The following VPS4B variants were observed in gnomAD, a reference collection of about 807,000 sequenced individuals.
VPS4B encodes the protein vacuolar protein sorting 4 homolog B.
In VPS4B, 23 loss-of-function variants were observed where a neutral mutation model predicts 56.1. That is an observed-to-expected ratio of 0.41 (90% confidence interval 0.30 to 0.58). The LOEUF (loss-of-function observed/expected upper bound fraction) is 0.58. Ranked by LOEUF, VPS4B falls within the 20% of genes least tolerant of loss-of-function variation. VPS4B has a pLI of 0.29. For missense variants in VPS4B, 372 were observed against 531.9 expected, an observed-to-expected ratio of 0.70 and a Z score of 2.96; for synonymous variants, 177 against 186.0, an observed-to-expected ratio of 0.95 and a Z score of 0.39.
chr18:63,415,495 AT>A, intron 1 of VPS4B: 3 of 303,424 alleles, frequency 9.9e-6, no homozygotes, highest in Admixed American at 3.6e-5. Context: ...AAGCTTGGCA[AT>A]TTTTCTCTGG....
At position 63,397,199 on chromosome 18, in the gene VPS4B, C is replaced by G. The variant is rs1275420534; in HGVS notation, c.927G>C (p.Met309Ile). 2.5e-6 allele frequency: 4 copies of G among 1,613,980 alleles called. No homozygotes were observed. Among genetic ancestry groups the G allele is most frequent in the East Asian group, 4.5e-5 (2 of 44,894 alleles). ...PLPEPHARAA[M>I]FKLHLGTTQN... Reference sequence around the variant, plus strand: ...GAGTGGTCCCTAGGTGCAGTTTAAACATTGCTGCTCGGGCATGGGGTTCCG... The same window carrying G: ...GAGTGGTCCCTAGGTGCAGTTTAAAGATTGCTGCTCGGGCATGGGGTTCCG... The change falls in exon 9 of 11, where the codon ATG (methionine) becomes ATC (isoleucine). Residue 309 changes from methionine to isoleucine, a missense_variant. Around this residue, in one of 3 missense-constraint regions of VPS4B, gnomAD observed 153 missense variants for 190.9 expected, o/e 0.80. Transcript: ENST00000238497.
chr18:63,410,257 C>T (rs750241880), intron 3 of VPS4B, 33 bp downstream of exon 3: 16 of 1,602,192 alleles, frequency 1.0e-5, no homozygotes, highest in Non-Finnish European at 1.4e-5. Context: ...AAGCAAAAAG[C>T]CACAATAAAA....
At chr18:63,393,058 A>C (rs1364902463) in intron 10 of VPS4B, among the ~76,000 whole-genome samples, 1 of 152,134 alleles carries the variant, frequency 6.6e-6, no homozygotes, top group Admixed American at 6.6e-5. Flanking sequence ...TCTGAGATGC[A>C]GGGGAAAAAA....
At chr18:63,398,206 T>A (rs201671192) in intron 8 of VPS4B, among the ~76,000 whole-genome samples, 2 of 84,742 alleles carry the variant, frequency 2.4e-5, no homozygotes, top group Non-Finnish European at 2.2e-5. Context: ...CACACACACA[T>A]ATATATATAT....
intron 10 of VPS4B, among the ~76,000 whole-genome samples, chr18:63,392,853 T>C (rs900719455): frequency 3.9e-5 from 6 of 152,070 alleles, no homozygotes; most frequent in African/African-American, 1.2e-4. Context: ...CTGGTTCACG[T>C]GATTCTCCTG....
intron 1 of VPS4B, among the ~76,000 whole-genome samples, chr18:63,417,334 G>A (rs939829758): frequency 3.3e-5 from 5 of 151,728 alleles, no homozygotes; most frequent in African/African-American, 4.8e-5. Context: ...ATAATAAAAC[G>A]GCTCATATCA....
chr18:63,413,503 C>T (rs918960719), intron 1 of VPS4B, among the ~76,000 whole-genome samples: 1 of 147,554 alleles, frequency 6.8e-6, no homozygotes, highest in African/African-American at 2.5e-5. Context: ...CATGCCACTG[C>T]ACTCCAGCCT....
At chr18:63,394,875 C>T (rs1348061218) in intron 9 of VPS4B, among the ~76,000 whole-genome samples, 2 of 152,188 alleles carry the variant, frequency 1.3e-5, no homozygotes, top group African/African-American at 4.8e-5. Flanking sequence ...GTGTATTTTA[C>T]TGTCTTTACT....
At chr18:63,407,911 A>G (rs1236198450) in intron 3 of VPS4B, among the ~76,000 whole-genome samples, 2 of 152,250 alleles carry the variant, frequency 1.3e-5, no homozygotes, top group African/African-American at 4.8e-5. Flanking sequence ...GAGGAAAAAA[A>G]TCTGGAACAC....
intron 5 of VPS4B, among the ~76,000 whole-genome samples, chr18:63,403,138 T>A (rs1215060291): frequency 6.6e-6 from 1 of 152,264 alleles, no homozygotes; most frequent in Non-Finnish European, 1.5e-5. Context: ...CTAGAGGTTA[T>A]GCACTTCCTC....
Position 63,391,051 on chromosome 18 carries a change from TTAGA to T in VPS4B, c.1255_1258del (p.Ser419ThrfsTer12). On this transcript the variant is annotated frameshift_variant, in exon 11 of 11. Coordinates refer to ENST00000238497, the MANE Select transcript of VPS4B (RefSeq NM_004869.4). LOFTEE classifies it high-confidence loss of function. ...ATGTTCATTGACTGTAGGTTTTGTGTTAGATAGTGACCGCAACATATCCGACTGT... is the reference window on the plus strand; with the variant it reads ...ATGTTCATTGACTGTAGGTTTTGTGTTAGTGACCGCAACATATCCGACTGT... The T allele has an allele frequency of 6.2e-7, 1 of 1,613,504 alleles. No individual in the cohort carries two copies. The highest frequency in any genetic ancestry group is 8.5e-7 in the Non-Finnish European group (1 of 1,179,580).
At chr18:63,405,820 CAAACAAAA>C (rs1243692607) in intron 4 of VPS4B, among the ~76,000 whole-genome samples, 13 of 149,370 alleles carry the variant, frequency 8.7e-5, no homozygotes, top group African/African-American at 3.0e-4. Flanking sequence ...AACAAACAAA[CAAACAAAA>C]AAAAAAACTT....
intron 10 of VPS4B, among the ~76,000 whole-genome samples, chr18:63,392,525 T>A (rs772869671): frequency 6.6e-6 from 1 of 151,700 alleles, no homozygotes; most frequent in Non-Finnish European, 1.5e-5. Context: ...CTCGGCTCAC[T>A]GCAACCTCCG....
intron 1 of VPS4B, among the ~76,000 whole-genome samples, chr18:63,421,972 G>A (rs1330818922): frequency 6.6e-6 from 1 of 152,168 alleles, no homozygotes; most frequent in Non-Finnish European, 1.5e-5. Context: ...CCAGATCTTG[G>A]CTGGTTTGGA....
Position 63,414,600 on chromosome 18 carries a change from A to C in VPS4B, c.28-3022T>G, listed in dbSNP as rs192037472. Among the ~76,000 whole-genome samples the C allele has an allele frequency of 4.0e-5, 6 of 151,272 alleles. No individual in the cohort carries two copies. The East Asian group carries it at 1.2e-3, about 30-fold the overall frequency. The stretch of plus-strand genomic sequence containing the variant: ...CAGGCACCCACCACCATGCCTGGCT[A>C]ATTTTTGTATTTTTAGTAGAGATGG... On this transcript the variant is annotated intron_variant, in intron 1 of 10. Transcript: ENST00000238497.
At chr18:63,394,442 A>G (rs1339149728) in intron 9 of VPS4B, among the ~76,000 whole-genome samples, 1 of 151,938 alleles carries the variant, frequency 6.6e-6, no homozygotes, top group African/African-American at 2.4e-5. Flanking sequence ...TTAGATGGCA[A>G]TAGTCTGCAT....
intron 1 of VPS4B, among the ~76,000 whole-genome samples, chr18:63,413,175 T>C (rs930824743): frequency 3.6e-4 from 55 of 152,318 alleles, no homozygotes; most frequent in African/African-American, 1.3e-3. Context: ...AGTGGTGGAA[T>C]GTATCAATAT....
At chr18:63,415,029 A>C (rs1916131831) in intron 1 of VPS4B, among the ~76,000 whole-genome samples, 1 of 152,222 alleles carries the variant, frequency 6.6e-6, no homozygotes, top group Non-Finnish European at 1.5e-5. Context: ...TTATGTAATT[A>C]AAATAGCCAC....
chr18:63,408,597 T>G (rs1203145632), intron 3 of VPS4B, among the ~76,000 whole-genome samples: 1 of 152,220 alleles, frequency 6.6e-6, no homozygotes, highest in Non-Finnish European at 1.5e-5. Flanking sequence ...CTGGTTTTGC[T>G]GAGGGAGCTG....
Sources: gnomAD v4.1 joint callset for allele counts (sites outside exome capture counted in the v4.1 genomes callset) on GRCh38, gnomAD v4.1.1 for gene constraint, gnomAD v4.1.1 regional missense constraint, MANE v1.5 for transcripts, NCBI Gene and HGNC (gene_info 2026-07-23, HGNC 2026-07-21) for gene names.